C1orf21: variants seen among roughly 807,000 people sequenced by gnomAD.
C1orf21 encodes the protein uncharacterized protein C1orf21.
A neutral mutation model predicts 18.7 loss-of-function variants in C1orf21; 3 were observed. The ratio of observed to expected loss-of-function variants is 0.16; its 90% confidence interval spans 0.07 to 0.42. C1orf21 has a LOEUF of 0.42. Ranked by LOEUF, C1orf21 falls within the 10% of genes least tolerant of loss-of-function variation. The pLI is 0.99. For missense variants in C1orf21, 104 were observed against 143.6 expected, an observed-to-expected ratio of 0.72 and a Z score of 1.41; for synonymous variants, 41 against 46.4, an observed-to-expected ratio of 0.88 and a Z score of 0.47.
chr1:184,613,772 C>A (rs967052532), intron 5 of C1orf21, among the ~76,000 whole-genome samples: 1 of 152,250 alleles, frequency 6.6e-6, no homozygotes, highest in South Asian at 2.1e-4. Context: ...AACATGTTTT[C>A]CCCCTCAGTA....
At chr1:184,524,559 A>G (rs1658352045) in intron 3 of C1orf21, among the ~76,000 whole-genome samples, 1 of 152,086 alleles carries the variant, frequency 6.6e-6, no homozygotes, top group Non-Finnish European at 1.5e-5. Context: ...AAAATCACTC[A>G]TCTACTCATC....
At chr1:184,586,113 C>T (rs568183594) in intron 3 of C1orf21, among the ~76,000 whole-genome samples, 12 of 152,302 alleles carry the variant, frequency 7.9e-5, no homozygotes, top group African/African-American at 2.6e-4. Context: ...ACTTCAATAG[C>T]ATCTGTTATT....
At chr1:184,465,943 C>T (rs983674591) in intron 1 of C1orf21, among the ~76,000 whole-genome samples, 5 of 152,172 alleles carry the variant, frequency 3.3e-5, no homozygotes, top group African/African-American at 1.2e-4. Flanking sequence ...CGCTGCACTG[C>T]CGTCTCCTGG....
At chr1:184,394,873 T>G (rs1325472846) in intron 1 of C1orf21, among the ~76,000 whole-genome samples, 1 of 152,222 alleles carries the variant, frequency 6.6e-6, no homozygotes, top group Non-Finnish European at 1.5e-5. Context: ...TTGAGTTGCT[T>G]AGTAGTTGCT....
At chr1:184,529,063 A>T (rs1456306818) in intron 3 of C1orf21, among the ~76,000 whole-genome samples, 1 of 152,192 alleles carries the variant, frequency 6.6e-6, no homozygotes, top group Non-Finnish European at 1.5e-5. Context: ...TGATACCCTT[A>T]CTAGCAATGA....
chr1:184,521,763 A>C (rs1032949835), intron 3 of C1orf21, among the ~76,000 whole-genome samples: 2 of 152,072 alleles, frequency 1.3e-5, no homozygotes, highest in African/African-American at 4.8e-5. Flanking sequence ...TTAAAAACAC[A>C]AACAAAAATG....
At chr1:184,544,942 T>C (rs2101979036) in intron 3 of C1orf21, among the ~76,000 whole-genome samples, 1 of 152,314 alleles carries the variant, frequency 6.6e-6, no homozygotes, top group Non-Finnish European at 1.5e-5. Context: ...TGCTGGCTTC[T>C]TTCAAAGCAT....
intron 1 of C1orf21, among the ~76,000 whole-genome samples, chr1:184,419,897 C>T (rs190709907): frequency 1.3e-5 from 2 of 152,208 alleles, no homozygotes; most frequent in Admixed American, 1.3e-4. Context: ...GCCCTGGAGG[C>T]CACTGAGGGC....
rs1401220807 is a variant in C1orf21, at chr1:184,584,235, T to C, written c.190-6504T>C. Among the ~76,000 whole-genome samples, 4 of 145,576 alleles carry C rather than the reference T, an allele frequency of 2.7e-5. No homozygotes were observed. In the Admixed American group the frequency reaches 2.8e-4, roughly 10 times the overall value. The stretch of plus-strand genomic sequence containing the variant: ...GAAGTTAAATGTTTATAAACAAATA[T>C]AAAACTGACTTCTTTATGCAAATGC... On this transcript the variant is annotated intron_variant, in intron 3 of 5. Coordinates refer to ENST00000235307, the MANE Select transcript of C1orf21 (RefSeq NM_030806.4).
intron 5 of C1orf21, among the ~76,000 whole-genome samples, chr1:184,613,662 C>A (rs952290760): frequency 1.3e-5 from 2 of 152,122 alleles, no homozygotes; most frequent in Non-Finnish European, 2.9e-5. Flanking sequence ...TACCCCCACA[C>A]CCCAGCACTG....
At chr1:184,470,207 C>T (rs1657473941) in intron 1 of C1orf21, among the ~76,000 whole-genome samples, 1 of 152,078 alleles carries the variant, frequency 6.6e-6, no homozygotes, top group Admixed American at 6.5e-5. Context: ...TATGAGGGCC[C>T]TCTGGGCAAG....
chr1:184,507,355 C>T (rs543794324), intron 2 of C1orf21, among the ~76,000 whole-genome samples: 51 of 152,220 alleles, frequency 3.4e-4, no homozygotes, highest in African/African-American at 1.1e-3. Context: ...GGCAGTGACA[C>T]TTTGATTAGA....
At chr1:184,496,425 G>A (rs1048345759) in intron 2 of C1orf21, among the ~76,000 whole-genome samples, 4 of 152,186 alleles carry the variant, frequency 2.6e-5, no homozygotes, top group Non-Finnish European at 5.9e-5. Flanking sequence ...CATTGTTTAT[G>A]TGCTGCCAAG....
intron 3 of C1orf21, among the ~76,000 whole-genome samples, chr1:184,512,783 T>C (rs1005905019): frequency 2.6e-5 from 4 of 151,682 alleles, no homozygotes; most frequent in African/African-American, 9.7e-5. Context: ...GACACAGGGG[T>C]CCCCAAGCCT....
intron 2 of C1orf21, among the ~76,000 whole-genome samples, chr1:184,485,615 G>A (rs375242275): frequency 3.3e-5 from 5 of 152,142 alleles, no homozygotes; most frequent in African/African-American, 1.2e-4. Context: ...TGAGCACTAG[G>A]TGTGTACACT....
chr1:184,464,730 A>C (rs975431172), intron 1 of C1orf21, among the ~76,000 whole-genome samples: 15 of 152,224 alleles, frequency 9.9e-5, no homozygotes, highest in Non-Finnish European at 1.9e-4. Context: ...AATATAGCTT[A>C]AGCAGAAATG....
intron 2 of C1orf21, among the ~76,000 whole-genome samples, chr1:184,489,688 G>T (rs1273136291): frequency 2.0e-5 from 3 of 152,168 alleles, no homozygotes; most frequent in African/African-American, 4.8e-5. Context: ...TATATTTATT[G>T]ATATGGCAAA....
intron 3 of C1orf21, among the ~76,000 whole-genome samples, chr1:184,577,930 C>T (rs1022831735): frequency 2.7e-5 from 4 of 147,290 alleles, no homozygotes; most frequent in East Asian, 2.0e-4. Context: ...GTTCTTTGTC[C>T]GTTTGTTTTT....
intron 1 of C1orf21, among the ~76,000 whole-genome samples, chr1:184,427,932 G>A (rs184135525): frequency 7.9e-5 from 12 of 152,206 alleles, no homozygotes; most frequent in Admixed American, 5.9e-4. Flanking sequence ...AGGGCCTTAT[G>A]TCCACTGGAC....
Sources: allele counts gnomAD v4.1 joint callset (sites outside exome capture counted in the v4.1 genomes callset), GRCh38; gene constraint gnomAD v4.1.1; transcripts MANE v1.5; gene names NCBI Gene and HGNC (gene_info 2026-07-23, HGNC 2026-07-21).